Variants in ZYG11A observed in about 807,000 individuals in gnomAD.
The protein encoded by ZYG11A is zyg-11 family member A, cell cycle regulator, also known as protein zyg-11 homolog A.
In ZYG11A, 62 loss-of-function variants were observed where a neutral mutation model predicts 77.2. The observed-to-expected ratio is 0.80, with a 90% CI of 0.65 to 0.99. ZYG11A has a LOEUF of 0.99. Among genes scored for constraint, ZYG11A ranks in the 50% least tolerant of loss-of-function variants. The pLI is 0.00. For missense variants in ZYG11A, 828 were observed against 896.8 expected, an observed-to-expected ratio of 0.92 and a Z score of 0.98; for synonymous variants, 315 against 324.6, an observed-to-expected ratio of 0.97 and a Z score of 0.32.
At chr1:52,876,138 A>T (rs999901507) in intron 8 of ZYG11A, among the ~76,000 whole-genome samples, 4 of 152,242 alleles carry the variant, frequency 2.6e-5, no homozygotes, top group African/African-American at 9.6e-5. Flanking sequence ...AAGTTTGAGG[A>T]GAGAGAATTA....
intron 8 of ZYG11A, among the ~76,000 whole-genome samples, chr1:52,872,372 G>A (rs1281627055): frequency 6.6e-6 from 1 of 151,960 alleles, no homozygotes; most frequent in Non-Finnish European, 1.5e-5. Flanking sequence ...CCAAAGTGCT[G>A]GGATTATAGG....
chr1:52,877,961 G>C lies in ZYG11A; in HGVS notation c.1741G>C (p.Gly581Arg), dbSNP rs764969600. Residue 581 changes from glycine (G) to arginine (R), a missense_variant, in exon 10 of 14, where the codon GGT (glycine) becomes CGT (arginine). Transcript: ENST00000371528. Reference protein sequence around the residue: ...SESAIQSKVLGLLNNIAEVRE... With the variant: ...SESAIQSKVLRLLNNIAEVRE... ...GTCAGCAATACAAAGCAAAGTACTT[G>C]GTCTTTTGGTAAGGTGAATTGTTTT... 4 of 1,551,210 alleles carry C rather than the reference G, an allele frequency of 2.6e-6. No homozygotes were observed. The African/African-American group carries it at 5.5e-5, about 21-fold the overall frequency.
Position 52,893,129 on chromosome 1 carries a change from A to C in ZYG11A, c.*172A>C. The stretch of plus-strand genomic sequence containing the variant: ...GGATTTGTATGATAGCTGTAATCCC[A>C]AGTCAAGTTGGACTCATTCTGCAGC... On this transcript the variant is annotated 3_prime_UTR_variant, in exon 14 of 14. Transcript: ENST00000371528. 4 of 620,428 alleles carry C rather than the reference A, an allele frequency of 6.4e-6. No homozygotes were observed. The highest frequency in any genetic ancestry group is 5.5e-5 in the African/African-American group (3 of 54,356). The allele number at this position is 620,428 out of a possible 1,614,324, so 38.4% of individuals were successfully genotyped here. A position where few individuals can be genotyped will look rare whatever the true frequency, so the allele number is the denominator to read the frequency against.
chr1:52,875,872 T>A (rs1646252659), intron 8 of ZYG11A, among the ~76,000 whole-genome samples: 1 of 149,810 alleles, frequency 6.7e-6, no homozygotes, highest in Non-Finnish European at 1.5e-5. Flanking sequence ...TGAAATCAAA[T>A]GAGGGGAGTG....
chr1:52,865,067 T>G (rs1646000442), intron 5 of ZYG11A, among the ~76,000 whole-genome samples: 1 of 151,794 alleles, frequency 6.6e-6, no homozygotes, highest in African/African-American at 2.4e-5. Context: ...CTCAGCCTCC[T>G]GAGTAGCTGG....
At chr1:52,885,417 G>A (rs1646432691) in intron 11 of ZYG11A, among the ~76,000 whole-genome samples, 2 of 150,140 alleles carry the variant, frequency 1.3e-5, no homozygotes, top group Admixed American at 6.6e-5. Flanking sequence ...TGTTAGCCAG[G>A]TTGGTCTCGA....
intron 11 of ZYG11A, among the ~76,000 whole-genome samples, chr1:52,882,221 T>C (rs1251529901): frequency 1.3e-5 from 2 of 152,228 alleles, no homozygotes; most frequent in East Asian, 3.8e-4. Context: ...TAACATATTA[T>C]GCTGCTGTTC....
intron 1 of ZYG11A, among the ~76,000 whole-genome samples, chr1:52,843,186 T>A (rs534070): frequency 1.1e-3 from 167 of 151,258 alleles, no homozygotes; most frequent in Non-Finnish European, 1.8e-3. Context: ...GAGCGGGGGG[T>A]GCTTTTCTGC....
rs1646572813 is a variant in ZYG11A at position 52,893,057 on chromosome 1, G to C, written c.*100G>C. 1.9e-6 allele frequency: 2 copies of C among 1,053,738 alleles called. No individual in the cohort carries two copies. Among genetic ancestry groups the C allele is most frequent in the Admixed American group, 5.2e-5 (2 of 38,120 alleles). The allele number at this position is 1,053,738 out of a possible 1,614,324, so 65.3% of individuals were successfully genotyped here. On this transcript the variant is annotated 3_prime_UTR_variant, in exon 14 of 14. Transcript: ENST00000371528. ...TGTCATTGGAGTTTGTGAGTTGGCTGTCTCATTGGCCTTTGATTGTTGATT... is the reference window on the plus strand; with the variant it reads ...TGTCATTGGAGTTTGTGAGTTGGCTCTCTCATTGGCCTTTGATTGTTGATT...
At chr1:52,874,266 T>C (rs570516665) in intron 8 of ZYG11A, among the ~76,000 whole-genome samples, 6 of 152,048 alleles carry the variant, frequency 3.9e-5, no homozygotes, top group South Asian at 2.1e-4. Flanking sequence ...TTTTTTAAGG[T>C]AGAGTCTTTC....
At chr1:52,892,752 A>G (rs1313098017) in intron 13 of ZYG11A, 30 bp from the exon 14 acceptor site, 1 of 1,545,164 alleles carries the variant, frequency 6.5e-7, no homozygotes, top group Non-Finnish European at 8.8e-7. Flanking sequence ...CCAGTTGTCC[A>G]TGGAGTGTCT....
rs1645839131 is a variant in ZYG11A, at chr1:52,857,609, T to C, written c.868T>C (p.Leu290=). The C allele has an allele frequency of 1.3e-6, 2 of 1,551,914 alleles. No homozygotes were observed. The highest frequency in any genetic ancestry group is 1.4e-5 in the African/African-American group (1 of 73,038). ...GGATATCCTGCCCAATGTTGTGTCA[T>C]TGGATATTTCTGGGGGCAATTGCAT... ...QKDILPNVVS[L]DISGGNCITD... The change falls in exon 3 of 14, where the codon TTG becomes CTG. Residue 290 remains leucine, a synonymous_variant. Coordinates refer to ENST00000371528, the MANE Select transcript of ZYG11A (RefSeq NM_001004339.3).
intron 12 of ZYG11A, 77 bp from the exon 13 acceptor site, chr1:52,886,875 TTATA>T: frequency 1.9e-6 from 1 of 520,564 alleles, no homozygotes; most frequent in Non-Finnish European, 3.3e-6. Context: ...ATTATATTAA[TTATA>T]TAGTACAAAT....
intron 8 of ZYG11A, among the ~76,000 whole-genome samples, chr1:52,876,559 A>G (rs893792677): frequency 2.6e-5 from 4 of 152,146 alleles, no homozygotes; most frequent in Non-Finnish European, 5.9e-5. Context: ...TATTTTGAGT[A>G]TCATTAAGCT....
intron 13 of ZYG11A, among the ~76,000 whole-genome samples, chr1:52,891,886 T>TA (rs1427780519): frequency 6.6e-6 from 1 of 150,536 alleles, no homozygotes; most frequent in Non-Finnish European, 1.5e-5. Flanking sequence ...TTGTGAATTA[T>TA]ATTTTATTTA....
intron 2 of ZYG11A, among the ~76,000 whole-genome samples, chr1:52,855,758 C>T (rs1226722985): frequency 5.3e-5 from 8 of 152,218 alleles, no homozygotes; most frequent in Admixed American, 6.5e-5. Flanking sequence ...TTTTTATAGT[C>T]GCATATTCTA....
intron 3 of ZYG11A, among the ~76,000 whole-genome samples, chr1:52,860,121 A>G (rs997186006): frequency 2.6e-5 from 4 of 152,244 alleles, no homozygotes; most frequent in African/African-American, 9.6e-5. Flanking sequence ...ACTTGTCAAT[A>G]TCTACAAAAA....
At chr1:52,856,957 G>C in intron 2 of ZYG11A, 41 bp from the exon 3 acceptor site, 1 of 1,483,426 alleles carries the variant, frequency 6.7e-7, no homozygotes, top group Non-Finnish European at 9.0e-7. Flanking sequence ...AAAGACATGA[G>C]ATCTAGTTGT....
rs1255795051 is a variant in ZYG11A, at chr1:52,867,551, C to T, written c.1404C>T (p.Ala468=). The T allele has an allele frequency of 1.4e-5, 22 of 1,551,358 alleles. No individual in the cohort carries two copies. The highest frequency in any genetic ancestry group is 1.9e-5 in the Non-Finnish European group (22 of 1,146,494). ...VDVPFDRFDA[A]KFVMRWLCKH... The stretch of plus-strand genomic sequence containing the variant: ...TACTGCTTTTCAGGTTTGATGCTGC[C>T]AAGTTTGTCATGAGATGGCTCTGTA... Residue 468 remains alanine, a synonymous_variant, in exon 7 of 14, where the codon GCC becomes GCT. Coordinates refer to ENST00000371528, the MANE Select transcript of ZYG11A (RefSeq NM_001004339.3).
Sources: allele counts gnomAD v4.1 joint callset (sites outside exome capture counted in the v4.1 genomes callset), GRCh38; gene constraint gnomAD v4.1.1; transcripts MANE v1.5; gene names NCBI Gene and HGNC (gene_info 2026-07-23, HGNC 2026-07-21).